ERMAP: variants seen among roughly 807,000 people sequenced by gnomAD.
ERMAP encodes the protein erythroid membrane-associated protein.
ERMAP carries 34 observed loss-of-function variants against 49.5 expected under a neutral mutation model. The observed-to-expected ratio is 0.69, with a 90% CI of 0.52 to 0.91. ERMAP has a LOEUF of 0.91. Among genes scored for constraint, ERMAP ranks in the 40% least tolerant of loss-of-function variants. The probability of loss-of-function intolerance (pLI) is 0.00; values close to 1 mark genes in which losing one functional copy is unlikely to be tolerated. For synonymous variants in ERMAP, 214 were observed against 232.2 expected (o/e 0.92, Z 0.71); for missense variants, 541 against 582.6 (o/e 0.93, Z 0.74).
Position 42,843,574 on chromosome 1 carries a change from C to T in ERMAP, c.*342C>T. 1 of 204,996 alleles carries T rather than the reference C, an allele frequency of 4.9e-6. No individual in the cohort carries two copies. Among genetic ancestry groups the T allele is most frequent in the Non-Finnish European group, 9.6e-6 (1 of 103,948 alleles). 12.7% of individuals were successfully genotyped at this position (204,996 alleles called of 1,614,324 possible). On this transcript the variant is annotated 3_prime_UTR_variant, in exon 12 of 12. Transcript: ENST00000372517. ...GGTTATTTAGAAGACACTTTCTCTG[C>T]CTCATCCTGCCCTCAAGCTTTAGTC...
chr1:42,835,058 TC>T lies in ERMAP; in HGVS notation c.459del (p.Ser154GlnfsTer7). 6 of 1,491,878 alleles carry T rather than the reference TC, an allele frequency of 4.0e-6. No individual in the cohort carries two copies. Among genetic ancestry groups the T allele is most frequent in the Non-Finnish European group, 5.6e-6 (6 of 1,068,356 alleles). 92.4% of individuals were successfully genotyped at this position (1,491,878 alleles called of 1,614,324 possible). ...TTCAGCCCCATCTGTGGGGAGTCTC[TC>T]CCCCTCAGCAGTGGCTCTGGCTGTG... ...QVAAPSVGSLSPSAVALAVIL... is the reference protein window; with the variant it reads ...QVAAPSVGSLXPSAVALAVIL... On this transcript the variant is annotated frameshift_variant, in exon 5 of 12. Coordinates refer to ENST00000372517, the MANE Select transcript of ERMAP (RefSeq NM_001017922.2). LOFTEE classifies it high-confidence loss of function.
Position 42,830,889 on chromosome 1 carries a change from A to G in ERMAP, c.207A>G (p.Pro69=). 1.9e-6 allele frequency: 3 copies of G among 1,613,814 alleles called. No individual in the cohort carries two copies. Among genetic ancestry groups the G allele is most frequent in the Non-Finnish European group, 1.7e-6 (2 of 1,179,850 alleles). Residue 69 remains proline, a synonymous_variant, in exon 4 of 12, where the codon CCA becomes CCG. Transcript: ENST00000372517. ...VPKEVRWLRS[P]FPQRSQAVHI... ...AGGAGGTGAGGTGGCTGCGGTCCCC[A>G]TTCCCGCAGCGCTCCCAGGCTGTTC...
intron 4 of ERMAP, among the ~76,000 whole-genome samples, chr1:42,832,030 G>A (rs1654755939): frequency 6.6e-6 from 1 of 152,140 alleles, no homozygotes; most frequent in South Asian, 2.1e-4. Flanking sequence ...TTGCTTGAAT[G>A]ACACTGGCTT....
At chr1:42,827,780 G>C (rs1286219028) in intron 2 of ERMAP, among the ~76,000 whole-genome samples, 1 of 151,996 alleles carries the variant, frequency 6.6e-6, no homozygotes, top group Non-Finnish European at 1.5e-5. Context: ...CATGATACAG[G>C]GCTATATAGG....
At chr1:42,827,356 G>T (rs1219664414) in intron 2 of ERMAP, among the ~76,000 whole-genome samples, 2 of 151,906 alleles carry the variant, frequency 1.3e-5, no homozygotes, top group Non-Finnish European at 2.9e-5. Context: ...ATATTTTTTT[G>T]TAGCAACAGG....
chr1:42,841,125 C>T (rs946046556), intron 11 of ERMAP, among the ~76,000 whole-genome samples: 3 of 152,140 alleles, frequency 2.0e-5, no homozygotes, highest in Non-Finnish European at 4.4e-5. Flanking sequence ...TTCCTTCAGG[C>T]AGAGTACAAC....
In ERMAP at chr1:42,817,163, C is replaced by T; in HGVS notation, c.-212C>T. 5 of 1,206,042 alleles carry T rather than the reference C, an allele frequency of 4.1e-6. No individual in the cohort carries two copies. The highest frequency in any genetic ancestry group is 5.3e-6 in the Non-Finnish European group (5 of 944,928). 74.7% of individuals were successfully genotyped at this position (1,206,042 alleles called of 1,614,324 possible). A position where few individuals can be genotyped will look rare whatever the true frequency, so the allele number is the denominator to read the frequency against. ...AGGAAAATGGCGGTCGCTGGAGCCG[C>T]CGACCAAGAGGCTTGGGAGTCTGTA... On this transcript the variant is annotated 5_prime_UTR_variant, in exon 1 of 12. Coordinates refer to ENST00000372517, the MANE Select transcript of ERMAP (RefSeq NM_001017922.2).
intron 3 of ERMAP, 85 bp downstream of exon 3, chr1:42,830,618 G>A (rs992798533): frequency 3.3e-6 from 5 of 1,517,208 alleles, no homozygotes; most frequent in Admixed American, 3.4e-5. Context: ...GAAACATTAT[G>A]TCTTTTGGGG....
intron 1 of ERMAP, among the ~76,000 whole-genome samples, chr1:42,822,013 TAAAA>T (rs534622784): frequency 8.6e-6 from 1 of 115,972 alleles, no homozygotes; most frequent in African/African-American, 3.2e-5. Flanking sequence ...ACCCTAGCTC[TAAAA>T]AAAAAAAAAA....
chr1:42,835,725 CT>C lies in ERMAP; in HGVS notation c.551-3del, dbSNP rs759891051. ...AAGCTGAGCTGGCATTTCTCTCTCC[CT>C]TTTAGAAAAGCTTCTCTATGAACAT... On this transcript the variant is annotated splice_region_variant and splice_polypyrimidine_tract_variant and intron_variant, in intron 5 of 11. Coordinates refer to ENST00000372517, the MANE Select transcript of ERMAP (RefSeq NM_001017922.2). 6.2e-7 allele frequency: 1 copy of C among 1,611,432 alleles called. No homozygotes were observed. The highest frequency in any genetic ancestry group is 1.7e-5 in the Admixed American group (1 of 59,766).
chr1:42,840,098 T>C, intron 9 of ERMAP, 45 bp downstream of exon 9: 1 of 1,614,218 alleles, frequency 6.2e-7, no homozygotes, highest in Non-Finnish European at 8.5e-7. Context: ...ACTTATCTCC[T>C]GTTGCCCTAA....
chr1:42,826,818 T>A lies in ERMAP; in HGVS notation c.-6+1080T>A, dbSNP rs528301812. On this transcript the variant is annotated intron_variant, in intron 2 of 11. Coordinates refer to ENST00000372517, the MANE Select transcript of ERMAP (RefSeq NM_001017922.2). ...TTGCAGTGATCTGAGATCATGCCAC[T>A]GCACTCCAGCTTGGCGGCAGAGTGA... is the stretch of plus-strand genomic sequence containing the variant. Among the ~76,000 whole-genome samples, 720 of 147,708 alleles carry A rather than the reference T, an allele frequency of 4.9e-3. 4 individuals are homozygous for A. Among genetic ancestry groups the A allele is most frequent in the Non-Finnish European group, 8.7e-3 (585 of 67,508 alleles).
In ERMAP at chr1:42,843,258, T is replaced by C. The variant is rs371394455; in HGVS notation, c.*26T>C. 1.3e-6 allele frequency: 2 copies of C among 1,517,510 alleles called. No individual in the cohort carries two copies. Among genetic ancestry groups the C allele is most frequent in the African/African-American group, 2.8e-5 (2 of 71,750 alleles). The allele number at this position is 1,517,510 out of a possible 1,614,324, so 94.0% of individuals were successfully genotyped here. A position where few individuals can be genotyped will look rare whatever the true frequency, so the allele number is the denominator to read the frequency against. On this transcript the variant is annotated 3_prime_UTR_variant, in exon 12 of 12. Coordinates refer to ENST00000372517, the MANE Select transcript of ERMAP (RefSeq NM_001017922.2). ...GGATATGCCACATTACCTGCTCCCA[T>C]CACCATCCAGCCCAGCACCCTGGAC...
At chr1:42,826,683 C>A (rs1654561219) in intron 2 of ERMAP, among the ~76,000 whole-genome samples, 1 of 151,942 alleles carries the variant, frequency 6.6e-6, no homozygotes, top group South Asian at 2.1e-4. Context: ...TGGTGAAACT[C>A]CGTCTCTACT....
rs762959872 is a variant in ERMAP at position 42,843,195 on chromosome 1, G to A, written c.1391G>A (p.Gly464Asp). Residue 464 changes from glycine to aspartate, a missense_variant, in exon 12 of 12, where the codon GGC (glycine) becomes GAC (aspartate). Gly to Asp is a moderately conservative substitution (Grantham distance 94). Transcript: ENST00000372517. The stretch of plus-strand genomic sequence containing the variant: ...ATCCTGTCCTTGCCCCCTGACCTTG[G>A]CCCAGCCCTTCAGGAGCTCAAGGCT... ...DIILSLPPDL[G>D]PALQELKAPS... The A allele has an allele frequency of 1.2e-6, 2 of 1,605,018 alleles. No homozygotes were observed. The highest frequency in any genetic ancestry group is 3.4e-5 in the Admixed American group (2 of 58,038).
chr1:42,832,382 T>C (rs919133881), intron 4 of ERMAP, among the ~76,000 whole-genome samples: 3 of 151,562 alleles, frequency 2.0e-5, no homozygotes, highest in Non-Finnish European at 2.9e-5. Context: ...TTTCTTTTTT[T>C]TGGAGATGGA....
At chr1:42,836,826 C>T (rs529646571) in intron 6 of ERMAP, 33 of 207,518 alleles carry the variant, frequency 1.6e-4, no homozygotes, top group African/African-American at 7.2e-4. Flanking sequence ...TGCAATCCAG[C>T]CAGGGTGGCA....
chr1:42,838,352 C>T lies in ERMAP; in HGVS notation c.617-549C>T, dbSNP rs185363624. On this transcript the variant is annotated intron_variant, in intron 7 of 11. Coordinates refer to ENST00000372517, the MANE Select transcript of ERMAP (RefSeq NM_001017922.2). ...CTTCAATTGTCTAGCAGGGCCAATG[C>T]TGGGTAGGGGGAAATGTGGGCCACA... 1.6e-4 allele frequency among the ~76,000 whole-genome samples: 25 copies of T among 152,274 alleles called. No individual in the cohort carries two copies. In the East Asian group the frequency reaches 4.8e-3, roughly 29 times the overall value.
At chr1:42,838,967 CT>C in intron 8 of ERMAP, 46 bp downstream of exon 8, 7 of 1,614,120 alleles carry the variant, frequency 4.3e-6, no homozygotes, top group Non-Finnish European at 5.1e-6. Flanking sequence ...TCTGCTGACA[CT>C]TTTGCTTTGG....
Sources: gnomAD v4.1 joint callset for allele counts (sites outside exome capture counted in the v4.1 genomes callset) on GRCh38, gnomAD v4.1.1 for gene constraint, MANE v1.5 for transcripts, NCBI Gene and HGNC (gene_info 2026-07-23, HGNC 2026-07-21) for gene names.